TENM3: variants seen among roughly 807,000 people sequenced by gnomAD.
TENM3 encodes the protein teneurin transmembrane protein 3.
Under a neutral mutation model 255.1 loss-of-function variants are expected in TENM3, and 63 were observed. The ratio of observed to expected loss-of-function variants is 0.25; its 90% CI spans 0.20 to 0.30. The LOEUF (loss-of-function observed/expected upper bound fraction) is 0.30, where lower values mean the gene tolerates loss of function less well. Among genes scored for constraint, TENM3 ranks in the 10% least tolerant of loss-of-function variants. The probability of loss-of-function intolerance (pLI) is 1.00; values close to 1 mark genes in which losing one functional copy is unlikely to be tolerated. For missense variants in TENM3, 2,929 were observed against 3,461.1 expected, an observed-to-expected ratio of 0.85 and a Z score of 3.86; for synonymous variants, 1,306 against 1,322.3, an observed-to-expected ratio of 0.99 and a Z score of 0.27.
At chr4:181,996,851 G>C in the TENM3 span, among the ~76,000 whole-genome samples, 1 of 152,264 alleles carries the variant, frequency 6.6e-6, no homozygotes, top group Middle Eastern at 3.4e-3. Flanking sequence ...ATGGTAGTGG[G>C]ATTGACTGAG....
chr4:181,476,056 G>C, the TENM3 span, among the ~76,000 whole-genome samples: 1 of 152,310 alleles, frequency 6.6e-6, no homozygotes, highest in East Asian at 1.9e-4. Context: ...GTTGAGAACT[G>C]TCATATTCAC....
the TENM3 span, among the ~76,000 whole-genome samples, chr4:181,888,643 C>A: frequency 9.2e-6 from 1 of 109,208 alleles, no homozygotes; most frequent in Non-Finnish European, 1.9e-5. Flanking sequence ...GAGAGACTTA[C>A]AGGAATAGAC....
At chr4:182,110,549 T>C in the TENM3 span, among the ~76,000 whole-genome samples, 1 of 152,034 alleles carries the variant, frequency 6.6e-6, no homozygotes, top group East Asian at 1.9e-4. Flanking sequence ...TGTTCTCAAA[T>C]TCCTGGGCTC....
At chr4:181,875,642 C>T in the TENM3 span, among the ~76,000 whole-genome samples, 1 of 152,110 alleles carries the variant, frequency 6.6e-6, no homozygotes, top group Non-Finnish European at 1.5e-5. Context: ...ACACATTGAT[C>T]TTTCCTGCCA....
chr4:182,464,501 C>G (rs1044115497), intron 3 of TENM3, among the ~76,000 whole-genome samples: 2 of 152,170 alleles, frequency 1.3e-5, no homozygotes, highest in Admixed American at 1.3e-4. Context: ...AGGTGATCCG[C>G]CCATCTCTGC....
At chr4:182,667,283 C>T (rs1049213245) in intron 6 of TENM3, among the ~76,000 whole-genome samples, 1 of 151,228 alleles carries the variant, frequency 6.6e-6, no homozygotes, top group African/African-American at 2.4e-5. Flanking sequence ...CTCCACCTCC[C>T]AGGTTCAAGT....
At chr4:182,119,588 T>C in the TENM3 span, among the ~76,000 whole-genome samples, 2 of 152,182 alleles carry the variant, frequency 1.3e-5, no homozygotes, top group Admixed American at 6.5e-5. Context: ...CCTCCCTTCT[T>C]TGAGGGACCT....
chr4:182,672,458 A>G (rs1424929734), intron 6 of TENM3, among the ~76,000 whole-genome samples: 1 of 151,950 alleles, frequency 6.6e-6, no homozygotes, highest in African/African-American at 2.4e-5. Flanking sequence ...TGCCCCAAGT[A>G]CCCCTTCTCT....
At chr4:182,278,508 C>G (rs1413530977) in intron 1 of TENM3, among the ~76,000 whole-genome samples, 1 of 152,066 alleles carries the variant, frequency 6.6e-6, no homozygotes, top group East Asian at 1.9e-4. Flanking sequence ...AGTGCATGGT[C>G]CATAATAAAC....
At chr4:181,658,839 T>C in the TENM3 span, among the ~76,000 whole-genome samples, 8,587 of 152,230 alleles carry the variant, frequency 0.056, 352 homozygotes, top group Middle Eastern at 0.16. Flanking sequence ...TGTCTGAAGC[T>C]CCAGCTTGTG....
At chr4:182,160,768 A>G (rs1459700431) in intron 1 of TENM3, among the ~76,000 whole-genome samples, 2 of 152,200 alleles carry the variant, frequency 1.3e-5, no homozygotes, top group African/African-American at 4.8e-5. Context: ...TTGCACAGCA[A>G]GGTGACTGTA....
intron 5 of TENM3, among the ~76,000 whole-genome samples, chr4:182,631,009 T>G (rs1205848553): frequency 3.3e-5 from 5 of 152,184 alleles, no homozygotes; most frequent in African/African-American, 9.7e-5. Context: ...ACTTGTACTC[T>G]TTTTAAGGAC....
chr4:182,557,012 A>T (rs1461269372), intron 3 of TENM3, among the ~76,000 whole-genome samples: 1 of 152,212 alleles, frequency 6.6e-6, no homozygotes, highest in African/African-American at 2.4e-5. Flanking sequence ...TCTAATGTGT[A>T]CTGAAAACCA....
the TENM3 span, among the ~76,000 whole-genome samples, chr4:181,974,424 CAGG>C: frequency 6.6e-6 from 1 of 152,018 alleles, no homozygotes; most frequent in African/African-American, 2.4e-5. Flanking sequence ...AAAAATTAGT[CAGG>C]CATGCTGGTG....
At chr4:182,068,346 C>G in the TENM3 span, among the ~76,000 whole-genome samples, 1 of 150,590 alleles carries the variant, frequency 6.6e-6, no homozygotes, top group Non-Finnish European at 1.5e-5. Context: ...CCCATTCTTG[C>G]AAATAATGAG....
chr4:182,256,325 TG>T (rs570791325), intron 1 of TENM3, among the ~76,000 whole-genome samples: 28 of 152,260 alleles, frequency 1.8e-4, no homozygotes, highest in African/African-American at 5.5e-4. Flanking sequence ...AAGGTGTGAG[TG>T]GCAGATGATA....
intron 4 of TENM3, among the ~76,000 whole-genome samples, chr4:182,609,788 A>C (rs2152428589): frequency 6.6e-6 from 1 of 151,968 alleles, no homozygotes; most frequent in Non-Finnish European, 1.5e-5. Flanking sequence ...GTTTCCATAA[A>C]ATGGGATTGT....
At chr4:182,169,817 A>G (rs1751981858) in intron 1 of TENM3, among the ~76,000 whole-genome samples, 1 of 152,086 alleles carries the variant, frequency 6.6e-6, no homozygotes, top group Admixed American at 6.6e-5. Flanking sequence ...ACAAAATTAT[A>G]GACAGGTTTT....
chr4:182,567,917 A>G (rs1380433993), intron 3 of TENM3, among the ~76,000 whole-genome samples: 1 of 151,618 alleles, frequency 6.6e-6, no homozygotes, highest in Non-Finnish European at 1.5e-5. Flanking sequence ...AGTGCCTGGC[A>G]CATGCATAGT....
Sources: allele counts gnomAD v4.1 joint callset (sites outside exome capture counted in the v4.1 genomes callset), GRCh38; gene constraint gnomAD v4.1.1; transcripts MANE v1.5; gene names NCBI Gene and HGNC (gene_info 2026-07-23, HGNC 2026-07-21).